KAT6B: variants seen among roughly 807,000 people sequenced by gnomAD.
KAT6B encodes lysine acetyltransferase 6B, also known as histone acetyltransferase KAT6B.
Under a neutral mutation model 187.5 loss-of-function variants are expected in KAT6B, and 10 were observed. That is an observed-to-expected ratio of 0.05 (90% CI 0.03 to 0.09). The LOEUF (loss-of-function observed/expected upper bound fraction) is 0.09. Among genes scored for constraint, KAT6B ranks in the 10% least tolerant of loss-of-function variants. KAT6B has a pLI of 1.00. For missense variants in KAT6B, 1,952 were observed against 2,558.9 expected, an observed-to-expected ratio of 0.76 and a Z score of 5.12; for synonymous variants, 861 against 926.8, an observed-to-expected ratio of 0.93 and a Z score of 1.29.
chr10:74,853,979 C>A (rs1281359480), intron 3 of KAT6B, among the ~76,000 whole-genome samples: 1 of 152,106 alleles, frequency 6.6e-6, no homozygotes, highest in Non-Finnish European at 1.5e-5. Context: ...AAATTCTTGA[C>A]TTTTTGTTTT....
chr10:74,977,250 G>C (rs1053397889), intron 8 of KAT6B, 66 bp from the exon 9 acceptor site: 35 of 1,580,340 alleles, frequency 2.2e-5, no homozygotes, highest in Admixed American at 8.5e-5. Flanking sequence ...TGCCATTTTG[G>C]TAATATATGG....
At chr10:74,894,122 G>C (rs1038417878) in intron 3 of KAT6B, among the ~76,000 whole-genome samples, 1 of 151,822 alleles carries the variant, frequency 6.6e-6, no homozygotes, top group South Asian at 2.1e-4. Context: ...TCCCTCTGTC[G>C]CCCAGGCTGG....
intron 3 of KAT6B, among the ~76,000 whole-genome samples, chr10:74,921,174 G>C (rs1408001831): frequency 3.4e-5 from 5 of 148,850 alleles, no homozygotes; most frequent in African/African-American, 1.2e-4. Context: ...GAGTTAAATG[G>C]CGAGATCTTG....
chr10:74,971,661 G>A (rs1354616150), intron 6 of KAT6B, among the ~76,000 whole-genome samples: 1 of 151,926 alleles, frequency 6.6e-6, no homozygotes, highest in African/African-American at 2.4e-5. Flanking sequence ...ATTTGCAGAA[G>A]CTCTTTTTTT....
At chr10:74,982,025 C>A in intron 11 of KAT6B, 97 bp downstream of exon 11, 1 of 1,167,148 alleles carries the variant, frequency 8.6e-7, no homozygotes. Context: ...ACAAAGTATA[C>A]TTAATTTTGG....
At chr10:74,942,677 A>G (rs1849760591) in intron 3 of KAT6B, among the ~76,000 whole-genome samples, 1 of 145,906 alleles carries the variant, frequency 6.9e-6, no homozygotes, top group Non-Finnish European at 1.5e-5. Context: ...ATTCAGGAGA[A>G]TCGCTTGAAC....
Position 74,963,869 on chromosome 10 carries a change from G to GGCCAAGGCAGGTGGA in KAT6B, c.730+3791_730+3792insGCCAAGGCAGGTGGA, listed in dbSNP as rs1841275266. On this transcript the variant is annotated intron_variant, in intron 4 of 17. Transcript: ENST00000287239. ...CCAGGCGCTGTGGCTCACGCCTGTA[G>GGCCAAGGCAGGTGGA]TCCCAGCACTTTGGGAGGCCAAGGC... Among the ~76,000 whole-genome samples, 3 of 152,080 alleles carry GGCCAAGGCAGGTGGA rather than the reference G, an allele frequency of 2.0e-5. No individual in the cohort carries two copies. In the South Asian group the frequency reaches 6.2e-4, roughly 32 times the overall value.
chr10:75,016,859 CTTTTTTTTTTTTTT>C (rs11323524), intron 13 of KAT6B, among the ~76,000 whole-genome samples: 1 of 68,752 alleles, frequency 1.5e-5, no homozygotes, highest in East Asian at 3.4e-4. Flanking sequence ...AAGATAAGTG[CTTTTTTTTTTTTTT>C]TTTTTTTGAG....
intron 3 of KAT6B, among the ~76,000 whole-genome samples, chr10:74,945,972 ATTT>A (rs1277564942): frequency 6.6e-6 from 1 of 152,126 alleles, no homozygotes; most frequent in African/African-American, 2.4e-5. Context: ...ATTGAGAAAT[ATTT>A]CCTCCTCCTC....
At position 75,025,149 on chromosome 10, in the gene KAT6B, C is replaced by T; in HGVS notation, c.3564C>T (p.Val1188=). The change falls in exon 17 of 18, where the codon GTC becomes GTT. Residue 1188 remains valine, a synonymous_variant. Coordinates refer to ENST00000287239, the MANE Select transcript of KAT6B (RefSeq NM_012330.4). ...TGGAGGAAGATGGCAGGAAGCCAGT[C>T]CTGAGAAAAGCATTCCAGCATCAGC... is the stretch of plus-strand genomic sequence containing the variant. ...IEVEEDGRKP[V]LRKAFQHQPG... The T allele has an allele frequency of 6.2e-7, 1 of 1,614,126 alleles. No individual in the cohort carries two copies. The highest frequency in any genetic ancestry group is 8.5e-7 in the Non-Finnish European group (1 of 1,180,012).
intron 3 of KAT6B, among the ~76,000 whole-genome samples, chr10:74,947,321 A>G (rs1481223447): frequency 6.6e-6 from 1 of 152,192 alleles, no homozygotes; most frequent in Non-Finnish European, 1.5e-5. Flanking sequence ...AACTAAAAAC[A>G]ACAACTGTAA....
At chr10:74,834,902 C>T (rs1431958418) in intron 1 of KAT6B, among the ~76,000 whole-genome samples, 1 of 152,198 alleles carries the variant, frequency 6.6e-6, no homozygotes, top group Non-Finnish European at 1.5e-5. Flanking sequence ...TTTGACAGCT[C>T]ATTCTTAGCT....
intron 13 of KAT6B, among the ~76,000 whole-genome samples, chr10:74,997,100 A>G (rs1843485864): frequency 6.6e-6 from 1 of 151,680 alleles, no homozygotes; most frequent in Admixed American, 6.6e-5. Flanking sequence ...GGTGGCTCAT[A>G]CCTGTAATCC....
chr10:74,986,036 C>T (rs1442935811), intron 12 of KAT6B, among the ~76,000 whole-genome samples: 1 of 152,104 alleles, frequency 6.6e-6, no homozygotes, highest in Non-Finnish European at 1.5e-5. Flanking sequence ...CAGAGGGAGA[C>T]TCCATCTCAA....
intron 1 of KAT6B, among the ~76,000 whole-genome samples, chr10:74,829,187 A>G (rs1365734771): frequency 6.6e-6 from 1 of 152,144 alleles, no homozygotes; most frequent in Non-Finnish European, 1.5e-5. Flanking sequence ...GCATGTGTTT[A>G]TTTCACACAC....
At chr10:74,981,259 T>C (rs1842486103) in intron 10 of KAT6B, among the ~76,000 whole-genome samples, 1 of 152,154 alleles carries the variant, frequency 6.6e-6, no homozygotes, top group African/African-American at 2.4e-5. Context: ...AATGTATGGT[T>C]GTTTTTACAT....
chr10:75,025,128 G>C lies in KAT6B; in HGVS notation c.3543G>C (p.Glu1181Asp), dbSNP rs149817329. The change falls in exon 17 of 18, where the codon GAG becomes GAC. Residue 1181 changes from glutamate to aspartate, a missense_variant. Coordinates refer to ENST00000287239, the MANE Select transcript of KAT6B (RefSeq NM_012330.4). ...QLEPTCEIEV[E>D]EDGRKPVLRK... ...AGCCTACCTGTGAGATTGAAGTGGAGGAAGATGGCAGGAAGCCAGTCCTGA... is the reference window on the plus strand; with the variant it reads ...AGCCTACCTGTGAGATTGAAGTGGACGAAGATGGCAGGAAGCCAGTCCTGA... 6 of 1,614,118 alleles carry C rather than the reference G, an allele frequency of 3.7e-6. No homozygotes were observed. In the African/African-American group the frequency reaches 8.0e-5, roughly 22 times the overall value.
At chr10:74,992,956 AT>A (rs1388461745) in intron 13 of KAT6B, among the ~76,000 whole-genome samples, 1 of 152,170 alleles carries the variant, frequency 6.6e-6, no homozygotes, top group East Asian at 1.9e-4. Flanking sequence ...TTGAGAACGC[AT>A]TCCTTCCTCT....
intron 12 of KAT6B, among the ~76,000 whole-genome samples, 162 bp from the exon 13 acceptor site, chr10:74,988,857 T>C (rs907313691): frequency 6.6e-6 from 1 of 152,212 alleles, no homozygotes; most frequent in Admixed American, 6.5e-5. Context: ...TTGTTGTTAA[T>C]TGATAGTTTG....
Sources: allele counts gnomAD v4.1 joint callset (sites outside exome capture counted in the v4.1 genomes callset), GRCh38; gene constraint gnomAD v4.1.1; transcripts MANE v1.5; gene names NCBI Gene and HGNC (gene_info 2026-07-23, HGNC 2026-07-21).